Variants in SLC22A23 observed in about 807,000 individuals in gnomAD.
SLC22A23 encodes the protein solute carrier family 22 member 23, also known as ion transporter protein.
In SLC22A23, 26 loss-of-function variants were observed where a neutral mutation model predicts 61.0. The ratio of observed to expected loss-of-function variants is 0.43; its 90% CI spans 0.31 to 0.59. The LOEUF (loss-of-function observed/expected upper bound fraction) is 0.59, where lower values mean the gene tolerates loss of function less well. Among genes scored for constraint, SLC22A23 ranks in the 20% least tolerant of loss-of-function variants. SLC22A23 has a pLI of 0.11. For missense variants in SLC22A23, 796 were observed against 934.7 expected (o/e 0.85, Z 1.94); for synonymous variants, 430 against 413.9 (o/e 1.04, Z -0.47).
rs1199093273 is a variant in SLC22A23 at position 3,387,955 on chromosome 6, G to C, written c.913+22233C>G. ...GGAATTCGTGCTGTTCCTGCTGCCTGAAAGAGAAGCCCAACAAGTCCCCTC... is the reference window on the plus strand; with the variant it reads ...GGAATTCGTGCTGTTCCTGCTGCCTCAAAGAGAAGCCCAACAAGTCCCCTC... On this transcript the variant is annotated intron_variant, in intron 3 of 9. Transcript: ENST00000406686. This position sits in a 1 kb window ranked among gnomAD's most constrained non-coding sequence, Gnocchi z 5.0. 6.6e-6 allele frequency among the ~76,000 whole-genome samples: 1 copy of C among 152,198 alleles called. No individual in the cohort carries two copies. The highest frequency in any genetic ancestry group is 1.5e-5 in the Non-Finnish European group (1 of 68,034).
At chr6:3,356,208 C>T (rs1381170038) in intron 3 of SLC22A23, among the ~76,000 whole-genome samples, 3 of 147,680 alleles carry the variant, frequency 2.0e-5, no homozygotes, top group African/African-American at 5.0e-5. Context: ...CGAAAGAAAT[C>T]GAAGCACGCG....
rs541174961 is a variant in SLC22A23, at chr6:3,324,536, C to G, written c.914-534G>C. 7.2e-4 allele frequency among the ~76,000 whole-genome samples: 109 copies of G among 152,320 alleles called. No individual in the cohort carries two copies. Among genetic ancestry groups the G allele is most frequent in the African/African-American group, 2.4e-3 (100 of 41,566 alleles). ...AGGGCTCCTTGAGCACTCCGAGTTC[C>G]AGGCAACCTACTCACACTGTGAGAC... On this transcript the variant is annotated intron_variant, in intron 3 of 9. Transcript: ENST00000406686. The surrounding 1 kb of genome is among the most constrained non-coding windows in gnomAD (Gnocchi z 4.3).
chr6:3,432,252 G>A (rs1770915812), intron 1 of SLC22A23: 2 of 985,360 alleles, frequency 2.0e-6, no homozygotes, highest in South Asian at 4.7e-5. Flanking sequence ...CGGCAGGAAA[G>A]CTCTGTTCCT....
At chr6:3,385,330 C>T (rs1435759006) in intron 3 of SLC22A23, among the ~76,000 whole-genome samples, 1 of 152,012 alleles carries the variant, frequency 6.6e-6, no homozygotes, top group Non-Finnish European at 1.5e-5. Flanking sequence ...CTGGCCAACA[C>T]AGCAAAATCC....
At chr6:3,356,525 C>G (rs1229558990) in intron 3 of SLC22A23, among the ~76,000 whole-genome samples, 1 of 152,190 alleles carries the variant, frequency 6.6e-6, no homozygotes, top group Non-Finnish European at 1.5e-5. Context: ...GCACTACCCT[C>G]CCGCTGGCTG....
intron 3 of SLC22A23, among the ~76,000 whole-genome samples, chr6:3,358,918 C>T (rs1369062314): frequency 2.0e-5 from 3 of 152,130 alleles, no homozygotes; most frequent in Admixed American, 6.5e-5. Flanking sequence ...TGGCTCCCCT[C>T]GGGCACAGCA....
Position 3,456,688 on chromosome 6 carries a change from G to A in SLC22A23, c.-129C>T, listed in dbSNP as rs1772426419. The A allele has an allele frequency of 1.7e-6, 1 of 591,684 alleles. No homozygotes were observed. The highest frequency in any genetic ancestry group is 2.0e-5 in the African/African-American group (1 of 49,322). The allele number at this position is 591,684 out of a possible 1,614,324, so 36.7% of individuals were successfully genotyped here. A position where few individuals can be genotyped will look rare whatever the true frequency, so the allele number is the denominator to read the frequency against. ...CGAGGAGGGCCCGCGGCTCGAGAGAGAGCGCTCGGCGGCTCCGGGTGCGTC... is the reference window on the plus strand; with the variant it reads ...CGAGGAGGGCCCGCGGCTCGAGAGAAAGCGCTCGGCGGCTCCGGGTGCGTC... On this transcript the variant is annotated 5_prime_UTR_variant, in exon 1 of 10. Coordinates refer to ENST00000406686, the MANE Select transcript of SLC22A23 (RefSeq NM_015482.2). This position sits in a 1 kb window ranked among gnomAD's most constrained non-coding sequence, Gnocchi z 7.1.
Position 3,456,365 on chromosome 6 carries a change from G to C in SLC22A23, c.195C>G (p.Ser65Arg). The change falls in exon 1 of 10, where the codon AGC becomes AGG. Residue 65 changes from serine to arginine, a missense_variant. Transcript: ENST00000406686. The surrounding 1 kb of genome is among the most constrained non-coding windows in gnomAD (Gnocchi z 7.1). ...TCGGGGCCGCAGCCGCGGAGCAGCAGCTCGGGTGCGGGCCGCCTCCAGGAT... is the reference window on the plus strand; with the variant it reads ...TCGGGGCCGCAGCCGCGGAGCAGCACCTCGGGTGCGGGCCGCCTCCAGGAT... ...PLHPGGGPHP[S>R]CCSAAAAPSL... 6.5e-7 allele frequency: 1 copy of C among 1,544,650 alleles called. No individual in the cohort carries two copies. The highest frequency in any genetic ancestry group is 8.7e-7 in the Non-Finnish European group (1 of 1,144,338).
chr6:3,340,739 G>A (rs1051419475), intron 3 of SLC22A23, among the ~76,000 whole-genome samples: 3 of 152,220 alleles, frequency 2.0e-5, no homozygotes, highest in Non-Finnish European at 2.9e-5. Flanking sequence ...AAGGGCAGCC[G>A]CATGACGTGC....
At chr6:3,306,920 C>G (rs1406142295) in intron 4 of SLC22A23, among the ~76,000 whole-genome samples, 1 of 152,234 alleles carries the variant, frequency 6.6e-6, no homozygotes, top group Non-Finnish European at 1.5e-5. Flanking sequence ...CTGTGTGTGT[C>G]TGCAGTGCCC....
intron 8 of SLC22A23, 120 bp downstream of exon 8, chr6:3,284,959 T>G: frequency 1.9e-6 from 3 of 1,550,044 alleles, no homozygotes; most frequent in Non-Finnish European, 2.6e-6. Flanking sequence ...CAGCTGCAGT[T>G]CTTGGAGGGC....
At chr6:3,290,582 G>A (rs1477262819) in intron 5 of SLC22A23, 1 of 153,312 alleles carries the variant, frequency 6.5e-6, no homozygotes, top group African/African-American at 2.4e-5. Context: ...AAAGTCATGA[G>A]ACTGAGTTTC....
Position 3,456,515 on chromosome 6 carries a change from C to T in SLC22A23, c.45G>A (p.Gly15=). 2 of 997,690 alleles carry T rather than the reference C, an allele frequency of 2.0e-6. No homozygotes were observed. The highest frequency in any genetic ancestry group is 2.4e-6 in the Non-Finnish European group (2 of 840,066). 61.8% of individuals were successfully genotyped at this position (997,690 alleles called of 1,614,324 possible). ...TCTCCTCGGCCGGGGCCGGCTGCCG[C>T]CCAGGCCCGCCGCCCGCCGCCTCGC... The part of the protein sequence containing the change: ...RRREAAGGGP[G]RQPAPAEENG... The change falls in exon 1 of 10, where the codon GGG becomes GGA. Residue 15 remains glycine, a synonymous_variant. Coordinates refer to ENST00000406686, the MANE Select transcript of SLC22A23 (RefSeq NM_015482.2). This position sits in a 1 kb window ranked among gnomAD's most constrained non-coding sequence, Gnocchi z 7.1.
chr6:3,383,748 T>C (rs191028571), intron 3 of SLC22A23, among the ~76,000 whole-genome samples: 1 of 152,158 alleles, frequency 6.6e-6, no homozygotes, highest in Non-Finnish European at 1.5e-5. Context: ...AAGGAACTGA[T>C]ACCAGCTCAG....
Position 3,329,569 on chromosome 6 carries a change from C to A in SLC22A23, c.914-5567G>T, listed in dbSNP as rs555399976. The stretch of plus-strand genomic sequence containing the variant: ...GTATGGGATGAGGCGCCCGCTCTGG[C>A]CTAGAGGTGGGGGTTAGATTCCTCC... On this transcript the variant is annotated intron_variant, in intron 3 of 9. Transcript: ENST00000406686. This position sits in a 1 kb window ranked among gnomAD's most constrained non-coding sequence, Gnocchi z 4.8. Among the ~76,000 whole-genome samples, 406 of 152,294 alleles carry A rather than the reference C, an allele frequency of 2.7e-3. 2 individuals carry two copies. Among genetic ancestry groups the A allele is most frequent in the African/African-American group, 9.2e-3 (384 of 41,566 alleles).
chr6:3,353,519 G>C (rs1056361510), intron 3 of SLC22A23, among the ~76,000 whole-genome samples: 2 of 152,110 alleles, frequency 1.3e-5, no homozygotes, highest in Non-Finnish European at 2.9e-5. Flanking sequence ...GCTTGATTGA[G>C]GTGTTCATTA....
chr6:3,314,476 C>A (rs1223057176), intron 4 of SLC22A23, among the ~76,000 whole-genome samples: 1 of 152,190 alleles, frequency 6.6e-6, no homozygotes, highest in East Asian at 1.9e-4. Context: ...GCACTGGAGG[C>A]CGTCCCGGTA....
chr6:3,298,154 T>C lies in SLC22A23; in HGVS notation c.1147A>G (p.Ile383Val). Reference sequence around the variant, plus strand: ...CGATTCTTCTGTGTGAAGTGGAGGATCAGCCTCTTTGCAGACTCAAACTGC... The same window carrying C: ...CGATTCTTCTGTGTGAAGTGGAGGACCAGCCTCTTTGCAGACTCAAACTGC... ...TQQFESAKRL[I>V]LHFTQKNRMN... Residue 383 changes from isoleucine (I) to valine (V), a missense_variant, in exon 5 of 10, where the codon ATC becomes GTC. Coordinates refer to ENST00000406686, the MANE Select transcript of SLC22A23 (RefSeq NM_015482.2). The C allele has an allele frequency of 6.3e-7, 1 of 1,592,954 alleles. No homozygotes were observed. The highest frequency in any genetic ancestry group is 1.1e-5 in the South Asian group (1 of 87,376).
chr6:3,374,020 C>T (rs1766398840), intron 3 of SLC22A23, among the ~76,000 whole-genome samples: 1 of 152,206 alleles, frequency 6.6e-6, no homozygotes, highest in Admixed American at 6.5e-5. Context: ...TAAGTATCTG[C>T]CCAAGGTCAC....
Sources: gnomAD v4.1 joint callset for allele counts (sites outside exome capture counted in the v4.1 genomes callset) on GRCh38, gnomAD v4.1.1 for gene constraint, Gnocchi (gnomAD v3.1) non-coding constraint, MANE v1.5 for transcripts, NCBI Gene and HGNC (gene_info 2026-07-23, HGNC 2026-07-21) for gene names.